RC3H1: variants seen among roughly 807,000 people sequenced by gnomAD.
RC3H1 encodes roquin-1.
Under a neutral mutation model 138.2 loss-of-function variants are expected in RC3H1, and 50 were observed. The ratio of observed to expected loss-of-function variants is 0.36; its 90% CI spans 0.29 to 0.46. The LOEUF (loss-of-function observed/expected upper bound fraction) is 0.46. Among genes scored for constraint, RC3H1 ranks in the 20% least tolerant of loss-of-function variants. RC3H1 has a pLI of 1.00. For synonymous variants in RC3H1, 462 were observed against 489.1 expected (o/e 0.94, Z 0.73); for missense variants, 1,031 against 1,388.1 (o/e 0.74, Z 4.09).
intron 19 of RC3H1, 94 bp downstream of exon 19, chr1:173,941,171 T>C: frequency 1.3e-6 from 1 of 775,226 alleles, no homozygotes; most frequent in Non-Finnish European, 2.2e-6. Context: ...AATCAAATTA[T>C]ATTTATGAGG....
intron 7 of RC3H1, among the ~76,000 whole-genome samples, chr1:173,976,280 T>C (rs1490092339): frequency 5.9e-5 from 9 of 151,766 alleles, no homozygotes; most frequent in Non-Finnish European, 1.0e-4. Flanking sequence ...CTACTAAAGA[T>C]ACTAAAAATA....
At chr1:173,998,911 G>A (rs574357533) in intron 1 of RC3H1, among the ~76,000 whole-genome samples, 1 of 152,130 alleles carries the variant, frequency 6.6e-6, no homozygotes, top group East Asian at 1.9e-4. Flanking sequence ...TGGCCAAAAA[G>A]GCAAGACCTT....
At chr1:173,959,494 G>GGC (rs1473486430) in intron 13 of RC3H1, among the ~76,000 whole-genome samples, 1 of 152,198 alleles carries the variant, frequency 6.6e-6, no homozygotes, top group African/African-American at 2.4e-5. Context: ...TTCTCAGCCA[G>GGC]GCGCGGTGGC....
chr1:174,004,579 G>A (rs145015330), intron 1 of RC3H1, among the ~76,000 whole-genome samples: 436 of 152,058 alleles, frequency 2.9e-3, no homozygotes, highest in Middle Eastern at 0.017. Flanking sequence ...GCCAAGGCAG[G>A]TGGATCACCT....
At chr1:173,991,615 C>T (rs1253851588) in intron 2 of RC3H1, among the ~76,000 whole-genome samples, 7 of 152,094 alleles carry the variant, frequency 4.6e-5, no homozygotes, top group Non-Finnish European at 1.0e-4. Flanking sequence ...TCATCCATGT[C>T]CTTTGGGTTG....
rs140117007 is a variant in RC3H1 at position 173,990,531 on chromosome 1, A to G, written c.231+2224T>C. ...AGTCTTTATTAAGGGCCTATGTACC[A>G]GACAGTCTTTCTTACGTGTGTAAGA... is the stretch of plus-strand genomic sequence containing the variant. On this transcript the variant is annotated intron_variant, in intron 2 of 19. Coordinates refer to ENST00000367696, the MANE Select transcript of RC3H1 (RefSeq NM_172071.4). Among the ~76,000 whole-genome samples the G allele has an allele frequency of 5.9e-3, 894 of 151,988 alleles. 11 individuals carry two copies. Among genetic ancestry groups the G allele is most frequent in the African/African-American group, 0.021 (854 of 41,482 alleles).
intron 17 of RC3H1, among the ~76,000 whole-genome samples, chr1:173,945,091 TC>T (rs1213268616): frequency 1.3e-5 from 2 of 152,106 alleles, no homozygotes; most frequent in Admixed American, 6.5e-5. Context: ...AACCTAGTCT[TC>T]CTTATGTGGC....
intron 10 of RC3H1, 114 bp from the exon 11 acceptor site, chr1:173,964,301 C>T: frequency 1.2e-6 from 1 of 807,232 alleles, no homozygotes; most frequent in Non-Finnish European, 2.0e-6. Flanking sequence ...AATAGTCCTC[C>T]CTTCTACAAA....
intron 1 of RC3H1, among the ~76,000 whole-genome samples, chr1:173,993,541 GCAC>G (rs1342581248): frequency 2.6e-5 from 4 of 151,466 alleles, no homozygotes; most frequent in Non-Finnish European, 5.9e-5. Context: ...TTACAGGCAT[GCAC>G]CACCACACCT....
At chr1:173,953,178 C>T (rs1373068749) in intron 13 of RC3H1, among the ~76,000 whole-genome samples, 1 of 152,076 alleles carries the variant, frequency 6.6e-6, no homozygotes, top group African/African-American at 2.4e-5. Context: ...CTTTGTCCTA[C>T]TACTATTTAA....
intron 1 of RC3H1, among the ~76,000 whole-genome samples, chr1:174,002,992 T>C (rs566485538): frequency 8.5e-4 from 129 of 152,292 alleles, no homozygotes; most frequent in African/African-American, 2.9e-3. Flanking sequence ...GCCAGGGCCA[T>C]ATAACCAGTT....
intron 13 of RC3H1, among the ~76,000 whole-genome samples, chr1:173,956,750 G>T (rs1041493070): frequency 6.7e-6 from 1 of 149,922 alleles, no homozygotes; most frequent in Admixed American, 6.6e-5. Flanking sequence ...CTACTAAAAA[G>T]ATGTTAGTTC....
intron 1 of RC3H1, among the ~76,000 whole-genome samples, chr1:174,006,751 C>G (rs529894176): frequency 3.9e-5 from 6 of 152,266 alleles, no homozygotes; most frequent in African/African-American, 1.4e-4. Flanking sequence ...GTAGCAGCAA[C>G]TACTGTATTC....
chr1:174,002,056 T>C (rs1661573819), intron 1 of RC3H1, among the ~76,000 whole-genome samples: 1 of 152,198 alleles, frequency 6.6e-6, no homozygotes, highest in Non-Finnish European at 1.5e-5. Context: ...AACTGTTTTT[T>C]TGTTGGGGGC....
chr1:173,940,412 C>T (rs778387730), intron 19 of RC3H1, among the ~76,000 whole-genome samples: 24 of 151,402 alleles, frequency 1.6e-4, no homozygotes, highest in African/African-American at 4.4e-4. Context: ...CGGAGGTTGC[C>T]GTGAGCCGAG....
At position 173,957,075 on chromosome 1, in the gene RC3H1, G is replaced by A. The variant is rs528217389; in HGVS notation, c.2370+4002C>T. Among the ~76,000 whole-genome samples the A allele has an allele frequency of 1.3e-4, 20 of 151,828 alleles. No individual in the cohort carries two copies. The South Asian group carries it at 3.1e-3, about 24-fold the overall frequency. The stretch of plus-strand genomic sequence containing the variant: ...ATTACAGGCGCCCACCATCATGCCC[G>A]GCTAATTTTTGTATTCAGGTTGTTT... On this transcript the variant is annotated intron_variant, in intron 13 of 19. Transcript: ENST00000367696.
chr1:174,012,927 A>C (rs751420920), intron 1 of RC3H1, among the ~76,000 whole-genome samples: 51 of 152,078 alleles, frequency 3.4e-4, no homozygotes, highest in Non-Finnish European at 3.8e-4. Flanking sequence ...ATAAAAAACA[A>C]AAAGATGATT....
At chr1:173,988,589 G>T (rs1661132031) in intron 2 of RC3H1, among the ~76,000 whole-genome samples, 1 of 152,158 alleles carries the variant, frequency 6.6e-6, no homozygotes, top group Admixed American at 6.5e-5. Flanking sequence ...AGTTAACTGG[G>T]TAAATACCTA....
Position 173,939,068 on chromosome 1 carries a change from A to AT in RC3H1, c.3252-198dup, listed in dbSNP as rs555177772. Among the ~76,000 whole-genome samples, 12 of 152,046 alleles carry AT rather than the reference A, an allele frequency of 7.9e-5. No homozygotes were observed. In the South Asian group the frequency reaches 2.5e-3, roughly 32 times the overall value. On this transcript the variant is annotated intron_variant, in intron 19 of 19. Transcript: ENST00000367696. ...GGTGCGTATTTTTTTTTTCAGGTGC[A>AT]TATTTTTGTAACTAAAGTTTTATTG... is the stretch of plus-strand genomic sequence containing the variant.
Sources: allele counts gnomAD v4.1 joint callset (sites outside exome capture counted in the v4.1 genomes callset), GRCh38; gene constraint gnomAD v4.1.1; transcripts MANE v1.5; gene names NCBI Gene and HGNC (gene_info 2026-07-23, HGNC 2026-07-21).